The following LRP6 variants were observed in gnomAD, a reference collection of about 807,000 sequenced individuals.
LRP6 encodes LDL receptor related protein 6, also known as low-density lipoprotein receptor-related protein 6.
LRP6 carries 43 observed loss-of-function variants against 184.1 expected under a neutral mutation model. The observed-to-expected ratio is 0.23, with a 90% CI of 0.18 to 0.30. The LOEUF is 0.30. LRP6 is among the 10% of genes least tolerant of loss of function. The pLI is 1.00. For synonymous variants in LRP6, 719 were observed against 684.9 expected (o/e 1.05, Z -0.78); for missense variants, 1,571 against 2,005.3 (o/e 0.78, Z 4.14).
In LRP6 at chr12:12,266,825, G is replaced by A. The variant is rs1399721148; in HGVS notation, c.-90C>T. ...CCGGGGCGGCCGCCGCAGCGGCAGG[G>A]CTGCACGCTCATACTTCCCAGCTTC... On this transcript the variant is annotated 5_prime_UTR_variant, in exon 1 of 23. Coordinates refer to ENST00000261349, the MANE Select transcript of LRP6 (RefSeq NM_002336.3). The A allele has an allele frequency of 1.9e-6, 2 of 1,034,736 alleles. No individual in the cohort carries two copies. The highest frequency in any genetic ancestry group is 1.6e-5 in the African/African-American group (1 of 63,158). 64.1% of individuals were successfully genotyped at this position (1,034,736 alleles called of 1,614,324 possible). A position where few individuals can be genotyped will look rare whatever the true frequency, so the allele number is the denominator to read the frequency against.
At chr12:12,207,601 G>A (rs1864099187) in intron 2 of LRP6, among the ~76,000 whole-genome samples, 2 of 152,030 alleles carry the variant, frequency 1.3e-5, no homozygotes, top group Non-Finnish European at 2.9e-5. Context: ...ACTCTGGTGG[G>A]GGCAAGCAAC....
chr12:12,153,437 T>C (rs1014746739), intron 12 of LRP6, among the ~76,000 whole-genome samples: 1 of 152,200 alleles, frequency 6.6e-6, no homozygotes, highest in Non-Finnish European at 1.5e-5. Flanking sequence ...GGTACTCTCT[T>C]TTCCAAGCAA....
At chr12:12,208,822 T>C (rs1864132541) in intron 2 of LRP6, among the ~76,000 whole-genome samples, 1 of 152,112 alleles carries the variant, frequency 6.6e-6, no homozygotes, top group African/African-American at 2.4e-5. Context: ...AACAGTGAAA[T>C]GGTTTTGTGT....
intron 12 of LRP6, 80 bp downstream of exon 12, chr12:12,158,749 T>C (rs561904631): frequency 2.6e-4 from 366 of 1,413,344 alleles, no homozygotes; most frequent in Non-Finnish European, 3.5e-4. Context: ...TATTTAACTT[T>C]AGAAAAAACA....
At chr12:12,261,023 T>G (rs1188683614) in intron 1 of LRP6, among the ~76,000 whole-genome samples, 2 of 152,196 alleles carry the variant, frequency 1.3e-5, no homozygotes, top group African/African-American at 2.4e-5. Context: ...TCCTTTGATA[T>G]TTAAAACAGT....
chr12:12,208,965 C>T (rs1363592351), intron 2 of LRP6, among the ~76,000 whole-genome samples: 1 of 152,154 alleles, frequency 6.6e-6, no homozygotes, highest in Non-Finnish European at 1.5e-5. Context: ...TTAGCCACCT[C>T]CCATCTTTTC....
Position 12,266,823 on chromosome 12 carries a change from G to C in LRP6, c.-88C>G. ...AGCCGGGGCGGCCGCCGCAGCGGCA[G>C]GGCTGCACGCTCATACTTCCCAGCT... On this transcript the variant is annotated 5_prime_UTR_variant, in exon 1 of 23. Transcript: ENST00000261349. 9.5e-7 allele frequency: 1 copy of C among 1,047,398 alleles called. No homozygotes were observed. Among genetic ancestry groups the C allele is most frequent in the Non-Finnish European group, 1.5e-6 (1 of 680,014 alleles). 64.9% of individuals were successfully genotyped at this position (1,047,398 alleles called of 1,614,324 possible).
chr12:12,203,042 TACTTTTAAAGC>T, intron 3 of LRP6, among the ~76,000 whole-genome samples, 150 bp downstream of exon 3: 1 of 152,338 alleles, frequency 6.6e-6, no homozygotes, highest in Non-Finnish European at 1.5e-5. Context: ...TAAATGTAAT[TACTTTTAAAGC>T]ACTTTTAAAG....
intron 2 of LRP6, among the ~76,000 whole-genome samples, chr12:12,230,044 T>G (rs1311110204): frequency 6.6e-6 from 1 of 152,214 alleles, no homozygotes; most frequent in African/African-American, 2.4e-5. Context: ...CAAATGTAAT[T>G]TTATTGCTGT....
rs753929554 is a variant in LRP6 at position 12,119,509 on chromosome 12, T to C, written c.*1617A>G. The C allele has an allele frequency of 3.3e-5, 5 of 152,160 alleles. No individual in the cohort carries two copies. Among genetic ancestry groups the C allele is most frequent in the Non-Finnish European group, 5.9e-5 (4 of 68,054 alleles). 9.4% of individuals were successfully genotyped at this position (152,160 alleles called of 1,614,324 possible). On this transcript the variant is annotated 3_prime_UTR_variant, in exon 23 of 23. Transcript: ENST00000261349. Reference sequence around the variant, plus strand: ...GTGGCAGAGCAAGTGCTAGAATCATTCCACAGGTCAGCCCTGATAGCTCAA... The same window carrying C: ...GTGGCAGAGCAAGTGCTAGAATCATCCCACAGGTCAGCCCTGATAGCTCAA...
At chr12:12,206,813 G>C (rs1057081339) in intron 2 of LRP6, among the ~76,000 whole-genome samples, 24 of 151,464 alleles carry the variant, frequency 1.6e-4, no homozygotes, top group African/African-American at 5.8e-4. Context: ...GTTTTCAGGA[G>C]GGAGAAAAAA....
chr12:12,128,557 A>G (rs1949704935), intron 19 of LRP6, among the ~76,000 whole-genome samples: 1 of 152,210 alleles, frequency 6.6e-6, no homozygotes. Context: ...GCAACATATC[A>G]CAAACTGAAC....
chr12:12,185,468 C>T (rs576413934), intron 4 of LRP6, among the ~76,000 whole-genome samples: 2 of 152,182 alleles, frequency 1.3e-5, no homozygotes, highest in Non-Finnish European at 2.9e-5. Flanking sequence ...TTATCTCCCC[C>T]TAAATGGAGA....
chr12:12,217,422 C>A (rs1473093146), intron 2 of LRP6, among the ~76,000 whole-genome samples: 2 of 151,968 alleles, frequency 1.3e-5, no homozygotes, highest in African/African-American at 4.8e-5. Flanking sequence ...ATAATTATTT[C>A]ATTATACATC....
At chr12:12,206,993 C>CA (rs901329997) in intron 2 of LRP6, among the ~76,000 whole-genome samples, 10 of 151,942 alleles carry the variant, frequency 6.6e-5, no homozygotes, top group Non-Finnish European at 1.3e-4. Context: ...GGTCATACAA[C>CA]AAAATGAGAA....
intron 20 of LRP6, among the ~76,000 whole-genome samples, chr12:12,125,918 C>T (rs1168102311): frequency 6.6e-6 from 1 of 152,130 alleles, no homozygotes; most frequent in African/African-American, 2.4e-5. Context: ...TCTATTTTTT[C>T]CAAGAAGCTT....
At chr12:12,185,651 G>A (rs1241916449) in intron 4 of LRP6, among the ~76,000 whole-genome samples, 1 of 152,126 alleles carries the variant, frequency 6.6e-6, no homozygotes. Flanking sequence ...GTTCTCAGCA[G>A]TCATAGCCCG....
chr12:12,141,829 G>A (rs1949938222), intron 15 of LRP6, among the ~76,000 whole-genome samples: 1 of 152,174 alleles, frequency 6.6e-6, no homozygotes. Context: ...TATGTTCATA[G>A]CCATAAATAA....
intron 2 of LRP6, among the ~76,000 whole-genome samples, chr12:12,221,249 T>A (rs370045973): frequency 3.9e-5 from 6 of 152,248 alleles, no homozygotes; most frequent in Admixed American, 1.3e-4. Context: ...TGTATTTATA[T>A]CACCATAAAC....
Sources: allele counts gnomAD v4.1 joint callset (sites outside exome capture counted in the v4.1 genomes callset), GRCh38; gene constraint gnomAD v4.1.1; transcripts MANE v1.5; gene names NCBI Gene and HGNC (gene_info 2026-07-23, HGNC 2026-07-21).